PPP6R1: variants seen among roughly 807,000 people sequenced by gnomAD.
PPP6R1 encodes serine/threonine-protein phosphatase 6 regulatory subunit 1.
Under a neutral mutation model 104.6 loss-of-function variants are expected in PPP6R1, and 39 were observed. The observed-to-expected ratio is 0.37, with a 90% confidence interval of 0.29 to 0.49. The LOEUF (loss-of-function observed/expected upper bound fraction) is 0.49. Ranked by LOEUF, PPP6R1 falls within the 20% of genes least tolerant of loss-of-function variation. The probability of loss-of-function intolerance (pLI) is 0.98; values close to 1 mark genes in which losing one functional copy is unlikely to be tolerated. For synonymous variants in PPP6R1, 549 were observed against 479.0 expected, an observed-to-expected ratio of 1.15 and a Z score of -1.91; for missense variants, 1,181 against 1,155.8, an observed-to-expected ratio of 1.02 and a Z score of -0.32.
At chr19:55,228,509 T>C, downstream of PPP6R1, 2 of 1,581,936 alleles carry the variant, frequency 1.3e-6, no homozygotes, top group Admixed American at 3.5e-5. Context: ...ATCTCATGGC[T>C]CCTGTCCCAC....
In PPP6R1 at chr19:55,245,761, C is replaced by T; in HGVS notation, c.228-83G>A. 2 of 1,175,508 alleles carry T rather than the reference C, an allele frequency of 1.7e-6. No homozygotes were observed. The highest frequency in any genetic ancestry group is 1.5e-5 in the African/African-American group (1 of 66,604). 72.8% of individuals were successfully genotyped at this position (1,175,508 alleles called of 1,614,324 possible). On this transcript the variant is annotated intron_variant, in intron 2 of 23. Transcript: ENST00000412770. The surrounding 1 kb of genome is among the most constrained non-coding windows in gnomAD (Gnocchi z 6.4). ...GCAAGGCTCCACCCTCTTCTCTGCA[C>T]CGGGCACTGGGTTTCTGGGAACTGC...
intron 1 of PPP6R1, among the ~76,000 whole-genome samples, chr19:55,253,454 C>T (rs2087569034): frequency 6.6e-6 from 1 of 152,240 alleles, no homozygotes; most frequent in African/African-American, 2.4e-5. Context: ...GGTCAGGCTT[C>T]CCCTCCAAAC....
intron 5 of PPP6R1, among the ~76,000 whole-genome samples, chr19:55,243,373 A>G (rs1484917554): frequency 6.8e-6 from 1 of 147,406 alleles, no homozygotes; most frequent in Non-Finnish European, 1.5e-5. Context: ...AGATCGTGCC[A>G]CTGCACTCTA....
rs1338677340 is a variant in PPP6R1 at position 55,230,262 on chromosome 19, T to G, written c.*266A>C. ...CTCCCTCTCTCTATATAATATATAA[T>G]ATATGTTTCTCTCTCTCCATTCTCT... is the stretch of plus-strand genomic sequence containing the variant. On this transcript the variant is annotated 3_prime_UTR_variant, in exon 24 of 24. Coordinates refer to ENST00000412770, the MANE Select transcript of PPP6R1 (RefSeq NM_014931.4). The G allele has an allele frequency of 3.6e-6, 2 of 555,930 alleles. No homozygotes were observed. The highest frequency in any genetic ancestry group is 6.4e-6 in the Non-Finnish European group (2 of 310,222). 34.4% of individuals were successfully genotyped at this position (555,930 alleles called of 1,614,324 possible).
At chr19:55,242,929 A>G (rs1022738545) in intron 5 of PPP6R1, among the ~76,000 whole-genome samples, 1 of 151,972 alleles carries the variant, frequency 6.6e-6, no homozygotes, top group African/African-American at 2.4e-5. Context: ...GTAGTACATG[A>G]TTCCAATTAT....
rs1242052654 is a variant in PPP6R1, at chr19:55,251,491, G to A, written c.-6-4382C>T. ...ACGGGGTCCCTAAATCAGGAGGTGG[G>A]GGAAAGTGCAAGATCGCCCTGGGCA... On this transcript the variant is annotated intron_variant, in intron 1 of 23. Transcript: ENST00000412770. Among the ~76,000 whole-genome samples the A allele has an allele frequency of 3.3e-5, 5 of 152,310 alleles. No homozygotes were observed. In the East Asian group the frequency reaches 7.7e-4, roughly 24 times the overall value.
intron 1 of PPP6R1, among the ~76,000 whole-genome samples, chr19:55,248,828 G>T (rs577523449): frequency 6.6e-6 from 1 of 152,346 alleles, no homozygotes; most frequent in African/African-American, 2.4e-5. Flanking sequence ...CATGGCCTCA[G>T]GCAGGTCGAA....
chr19:55,242,613 G>A lies in PPP6R1; in HGVS notation c.619-125C>T, dbSNP rs535602110. ...AATGGTCACCCAGACACAGGGACAC[G>A]TGTTACGAAGGAGGAGGGCACAGAG... On this transcript the variant is annotated intron_variant, in intron 5 of 23. Coordinates refer to ENST00000412770, the MANE Select transcript of PPP6R1 (RefSeq NM_014931.4). The A allele has an allele frequency of 2.7e-4, 210 of 771,440 alleles. 2 individuals are homozygous for A. The South Asian group carries it at 3.2e-3, about 12-fold the overall frequency. 47.8% of individuals were successfully genotyped at this position (771,440 alleles called of 1,614,324 possible).
intron 10 of PPP6R1, among the ~76,000 whole-genome samples, chr19:55,240,599 T>G (rs2087445888): frequency 1.3e-5 from 2 of 150,834 alleles, no homozygotes; most frequent in South Asian, 4.2e-4. Context: ...ACATACATGT[T>G]CACATACTCG....
At chr19:55,242,068 CG>C (rs1277483591) in intron 7 of PPP6R1, 97 bp downstream of exon 7, 39 of 1,153,178 alleles carry the variant, frequency 3.4e-5, no homozygotes, top group Admixed American at 5.9e-5. Context: ...GTGCCACGGG[CG>C]GGGATTTCTC....
chr19:55,242,082 G>T, intron 7 of PPP6R1, 84 bp downstream of exon 7: 2 of 1,312,306 alleles, frequency 1.5e-6, no homozygotes, highest in Non-Finnish European at 2.1e-6. Flanking sequence ...GATTTCTCTT[G>T]GTGGACACCG....
At position 55,231,873 on chromosome 19, in the gene PPP6R1, G is replaced by T; in HGVS notation, c.2235C>A (p.Pro745=). Residue 745 remains proline (P), a synonymous_variant, in exon 19 of 24, where the codon CCC becomes CCA. Coordinates refer to ENST00000412770, the MANE Select transcript of PPP6R1 (RefSeq NM_014931.4). ...LHTGPPAPQG[P]LSVPQGLPTQ... ...TGGGGAGGCCCTGGGGCACACTGAG[G>T]GGCCCCTGTGGGGCTGGAGGCCCAG... The T allele has an allele frequency of 6.6e-7, 1 of 1,504,862 alleles. No homozygotes were observed. The highest frequency in any genetic ancestry group is 2.3e-5 in the East Asian group (1 of 42,922). 93.2% of individuals were successfully genotyped at this position (1,504,862 alleles called of 1,614,324 possible).
rs1307571030 is a variant in PPP6R1 at position 55,230,833 on chromosome 19, G to A, written c.2511C>T (p.Pro837=). 5.0e-6 allele frequency: 8 copies of A among 1,606,814 alleles called. No homozygotes were observed. The highest frequency in any genetic ancestry group is 5.9e-6 in the Non-Finnish European group (7 of 1,179,544). Residue 837 remains proline (P), a synonymous_variant, in exon 22 of 24, where the codon CCC becomes CCT. Transcript: ENST00000412770. ...TCTTCTCCCCTTCTGTGGTCTGGGG[G>A]GGCTGGTGGGCCCCGGAGGCTGGGA... ...TSVPASGAHQ[P]PQTTEGEKSP...
chr19:55,249,334 C>T (rs143957655), intron 1 of PPP6R1, among the ~76,000 whole-genome samples: 13 of 152,272 alleles, frequency 8.5e-5, no homozygotes, highest in African/African-American at 2.2e-4. Context: ...CTTCACCTCC[C>T]GGGTTCAGGC....
chr19:55,252,308 C>T (rs10421088), intron 1 of PPP6R1, among the ~76,000 whole-genome samples: 1,976 of 152,090 alleles, frequency 0.013, 52 homozygotes, highest in African/African-American at 0.045. Context: ...CGGCTCACCG[C>T]AACCTCCAGC....
Position 55,240,503 on chromosome 19 carries a change from T to C in PPP6R1, c.1297-203A>G, listed in dbSNP as rs140190818. Among the ~76,000 whole-genome samples the C allele has an allele frequency of 2.2e-3, 327 of 148,622 alleles. 2 individuals carry two copies. The highest frequency in any genetic ancestry group is 7.8e-3 in the African/African-American group (307 of 39,466). ...TCTCTCTGGTCTTTCTACAAAAGAA[T>C]ATGTGGTGCATACACACACACACAC... On this transcript the variant is annotated intron_variant, in intron 10 of 23. Transcript: ENST00000412770.
chr19:55,246,651 G>A (rs1056576459), intron 2 of PPP6R1, among the ~76,000 whole-genome samples: 1 of 152,216 alleles, frequency 6.6e-6, no homozygotes, highest in Non-Finnish European at 1.5e-5. Flanking sequence ...ATTTGTGGCT[G>A]CCGTGACCCG....
rs767709922 is a variant in PPP6R1 at position 55,245,592 on chromosome 19, C to T, written c.314G>A (p.Arg105Gln). 36 of 1,612,690 alleles carry T rather than the reference C, an allele frequency of 2.2e-5. No individual in the cohort carries two copies. Among genetic ancestry groups the T allele is most frequent in the East Asian group, 4.5e-5 (2 of 44,856 alleles). The part of the protein sequence containing the change: ...ALGADESLLN[R>Q]LYGFLQSTGS... The stretch of plus-strand genomic sequence containing the variant: ...GGTGCTCTGCAGGAAGCCGTAGAGC[C>T]GGTTCAGAAGGGACTCATCAGCACC... Residue 105 changes from arginine (R) to glutamine (Q), a missense_variant, in exon 3 of 24, where the codon CGG (arginine) becomes CAG (glutamine). Around this residue, in one of 2 missense-constraint regions of PPP6R1, gnomAD observed 139 missense variants for 200.1 expected, o/e 0.69. Transcript: ENST00000412770. The surrounding 1 kb of genome is among the most constrained non-coding windows in gnomAD (Gnocchi z 6.4).
chr19:55,230,751 C>G, intron 22 of PPP6R1, 23 bp downstream of exon 22: 4 of 1,472,566 alleles, frequency 2.7e-6, no homozygotes, highest in Non-Finnish European at 3.6e-6. Flanking sequence ...CCCACCCCCC[C>G]GCCCTGCTGC....
Sources: allele counts gnomAD v4.1 joint callset (sites outside exome capture counted in the v4.1 genomes callset), GRCh38; gene constraint gnomAD v4.1.1; regional missense constraint gnomAD v4.1.1; non-coding constraint Gnocchi (gnomAD v3.1); transcripts MANE v1.5; gene names NCBI Gene and HGNC (gene_info 2026-07-23, HGNC 2026-07-21).